CAMTA1: variants seen among roughly 807,000 people sequenced by gnomAD.
CAMTA1 encodes calmodulin-binding transcription activator 1.
CAMTA1 carries 27 observed loss-of-function variants against 170.9 expected under a neutral mutation model. That is an observed-to-expected ratio of 0.16 (90% confidence interval 0.12 to 0.22). The LOEUF is 0.22. Ranked by LOEUF, CAMTA1 falls within the 10% of genes least tolerant of loss-of-function variation. The pLI, the probability that CAMTA1 is intolerant of heterozygous loss-of-function variation, is 1.00. For synonymous variants in CAMTA1, 833 were observed against 891.5 expected, an observed-to-expected ratio of 0.93 and a Z score of 1.17; for missense variants, 1,619 against 2,217.2, an observed-to-expected ratio of 0.73 and a Z score of 5.42.
intron 3 of CAMTA1, among the ~76,000 whole-genome samples, chr1:7,055,654 C>T (rs573412155): frequency 1.3e-4 from 20 of 152,318 alleles, no homozygotes; most frequent in African/African-American, 4.8e-4. Flanking sequence ...ACCTGAGTGT[C>T]CTGTGATACC....
intron 3 of CAMTA1, among the ~76,000 whole-genome samples, chr1:6,926,328 CT>C (rs1333916380): frequency 3.3e-5 from 5 of 150,454 alleles, no homozygotes; most frequent in East Asian, 3.9e-4. Flanking sequence ...CTCCCCTCCC[CT>C]CTCCTCTCCT....
intron 11 of CAMTA1, among the ~76,000 whole-genome samples, chr1:7,686,273 C>G (rs2096256817): frequency 6.6e-6 from 1 of 152,150 alleles, no homozygotes. Flanking sequence ...GGGAACTTCC[C>G]CTGGATGGTC....
intron 6 of CAMTA1, among the ~76,000 whole-genome samples, chr1:7,579,286 G>A (rs374831750): frequency 7.9e-5 from 12 of 152,354 alleles, no homozygotes; most frequent in African/African-American, 2.6e-4. Context: ...GCCTGGAGAA[G>A]TCTTGCCAGC....
chr1:6,909,540 GAC>G (rs1400692111), intron 3 of CAMTA1, among the ~76,000 whole-genome samples: 3 of 152,242 alleles, frequency 2.0e-5, no homozygotes, highest in African/African-American at 7.2e-5. Context: ...TGGGCTGGCA[GAC>G]ACAGCAGGCG....
chr1:7,660,456 T>C (rs1464928579), intron 7 of CAMTA1, among the ~76,000 whole-genome samples: 1 of 152,198 alleles, frequency 6.6e-6, no homozygotes, highest in Non-Finnish European at 1.5e-5. Flanking sequence ...GAGGATCACT[T>C]GAACCCACGA....
chr1:7,198,068 G>A (rs1655899461), intron 4 of CAMTA1, among the ~76,000 whole-genome samples: 3 of 152,114 alleles, frequency 2.0e-5, no homozygotes, highest in East Asian at 1.9e-4. Context: ...TGACCAGGAC[G>A]GAGCATCATT....
intron 6 of CAMTA1, among the ~76,000 whole-genome samples, chr1:7,485,750 C>A (rs2093609722): frequency 1.3e-5 from 2 of 152,206 alleles, no homozygotes; most frequent in South Asian, 2.1e-4. Context: ...TCACCTAGGG[C>A]AGGCCAATGA....
At chr1:6,885,822 G>T (rs1673049843) in intron 3 of CAMTA1, among the ~76,000 whole-genome samples, 1 of 152,058 alleles carries the variant, frequency 6.6e-6, no homozygotes, top group African/African-American at 2.4e-5. Flanking sequence ...CTGATGTGTG[G>T]ACACTCTTTC....
chr1:7,522,162 G>A (rs1033171970), intron 6 of CAMTA1, among the ~76,000 whole-genome samples: 1 of 152,148 alleles, frequency 6.6e-6, no homozygotes, highest in African/African-American at 2.4e-5. Context: ...AGCATTTGAT[G>A]TTGTCACTAT....
In CAMTA1 at chr1:7,592,903, T is replaced by C. The variant is rs543092952; in HGVS notation, c.511-47497T>C. ...GACCTCATGAAATGCAATATTGCAT[T>C]AAACCTCAGCAGGGCCGAGAGGCAG... On this transcript the variant is annotated intron_variant, in intron 6 of 22. Coordinates refer to ENST00000303635, the MANE Select transcript of CAMTA1 (RefSeq NM_015215.4). The surrounding 1 kb of genome is among the most constrained non-coding windows in gnomAD (Gnocchi z 4.6). Among the ~76,000 whole-genome samples the C allele has an allele frequency of 6.6e-6, 1 of 152,302 alleles. No homozygotes were observed. The highest frequency in any genetic ancestry group is 2.1e-4 in the South Asian group (1 of 4,820).
intron 3 of CAMTA1, among the ~76,000 whole-genome samples, chr1:6,906,680 G>A (rs1678565388): frequency 6.6e-6 from 1 of 152,196 alleles, no homozygotes; most frequent in South Asian, 2.1e-4. Context: ...GCTCAGAAAT[G>A]TGTGCCTACC....
In CAMTA1 at chr1:7,309,875, CAT is replaced by C. The variant is rs576258749; in HGVS notation, c.438+60263_438+60264del. On this transcript the variant is annotated intron_variant, in intron 5 of 22. Coordinates refer to ENST00000303635, the MANE Select transcript of CAMTA1 (RefSeq NM_015215.4). Reference sequence around the variant, plus strand: ...CTTATATTTTAGTTGTTTTATATATCATATATATATATATAAAACCCCAGTAA... The same window carrying C: ...CTTATATTTTAGTTGTTTTATATATCATATATATATATAAAACCCCAGTAA... Among the ~76,000 whole-genome samples, 297 of 149,870 alleles carry C rather than the reference CAT, an allele frequency of 2.0e-3. 2 individuals carry two copies. The highest frequency in any genetic ancestry group is 6.8e-3 in the African/African-American group (279 of 41,012).
intron 6 of CAMTA1, among the ~76,000 whole-genome samples, chr1:7,519,919 G>A (rs922990052): frequency 6.6e-5 from 10 of 151,342 alleles, no homozygotes; most frequent in South Asian, 4.2e-4. Context: ...TACTGCCTTC[G>A]TCTCCCTGTT....
At chr1:7,033,150 ATC>A (rs1703039276) in intron 3 of CAMTA1, among the ~76,000 whole-genome samples, 3 of 152,184 alleles carry the variant, frequency 2.0e-5, no homozygotes, top group African/African-American at 7.2e-5. Flanking sequence ...TTTCTGTCCC[ATC>A]TTCTGCATAG....
intron 3 of CAMTA1, among the ~76,000 whole-genome samples, chr1:7,000,237 C>T (rs576879107): frequency 3.3e-5 from 5 of 152,354 alleles, no homozygotes; most frequent in South Asian, 2.1e-4. Context: ...TTTCACTTCC[C>T]GGTCCTGCAG....
At chr1:7,134,468 A>AATTATTATT (rs113900869) in intron 4 of CAMTA1, among the ~76,000 whole-genome samples, 22 of 151,448 alleles carry the variant, frequency 1.5e-4, no homozygotes, top group African/African-American at 5.1e-4. Context: ...TAATTAAACA[A>AATTATTATT]ATTATTATTA....
chr1:7,161,452 AC>A (rs1647210579), intron 4 of CAMTA1, among the ~76,000 whole-genome samples: 1 of 152,020 alleles, frequency 6.6e-6, no homozygotes, highest in Admixed American at 6.6e-5. Context: ...TTGAATTGGA[AC>A]TCCCACAATT....
rs2149544132 is a variant in CAMTA1, at chr1:7,299,841, T to C, written c.438+50215T>C. Among the ~76,000 whole-genome samples the C allele has an allele frequency of 6.6e-6, 1 of 152,276 alleles. No individual in the cohort carries two copies. The highest frequency in any genetic ancestry group is 2.1e-4 in the South Asian group (1 of 4,826). On this transcript the variant is annotated intron_variant, in intron 5 of 22. Coordinates refer to ENST00000303635, the MANE Select transcript of CAMTA1 (RefSeq NM_015215.4). The surrounding 1 kb of genome is among the most constrained non-coding windows in gnomAD (Gnocchi z 4.7). ...CTGATCAGGGCAGATCTCAGTTTTA[T>C]AGGACCTTGTGTAAGAATAAGCAAT... is the stretch of plus-strand genomic sequence containing the variant.
At chr1:7,312,752 T>C (rs969214549) in intron 5 of CAMTA1, among the ~76,000 whole-genome samples, 3 of 152,044 alleles carry the variant, frequency 2.0e-5, no homozygotes, top group Non-Finnish European at 4.4e-5. Context: ...CTTTGATGGC[T>C]TTATTTATTT....
Sources: gnomAD v4.1 joint callset for allele counts (sites outside exome capture counted in the v4.1 genomes callset) on GRCh38, gnomAD v4.1.1 for gene constraint, Gnocchi (gnomAD v3.1) non-coding constraint, MANE v1.5 for transcripts, NCBI Gene and HGNC (gene_info 2026-07-23, HGNC 2026-07-21) for gene names.